PTPRD: variants seen among roughly 807,000 people sequenced by gnomAD.
PTPRD encodes receptor-type tyrosine-protein phosphatase delta.
A neutral mutation model predicts 214.5 loss-of-function variants in PTPRD; 34 were observed. The ratio of observed to expected loss-of-function variants is 0.16; its 90% CI spans 0.12 to 0.21. The LOEUF is 0.21. Among genes scored for constraint, PTPRD ranks in the 10% least tolerant of loss-of-function variants. The pLI, the probability that PTPRD is intolerant of heterozygous loss-of-function variation, is 1.00. For synonymous variants in PTPRD, 1,128 were observed against 845.7 expected (o/e 1.33, Z -5.79); for missense variants, 2,545 against 2,398.7 (o/e 1.06, Z -1.27).
At chr9:9,989,774 G>A (rs1008319118) in intron 4 of PTPRD, among the ~76,000 whole-genome samples, 1 of 152,188 alleles carries the variant, frequency 6.6e-6, no homozygotes, top group Non-Finnish European at 1.5e-5. Context: ...GGGGCTCCAG[G>A]GGTCATGGGC....
chr9:9,928,193 C>T lies in PTPRD; in HGVS notation c.-368+10314G>A, dbSNP rs532831478. Among the ~76,000 whole-genome samples, 17 of 152,220 alleles carry T rather than the reference C, an allele frequency of 1.1e-4. 1 individual carries two copies. The South Asian group carries it at 3.5e-3, about 32-fold the overall frequency. The stretch of plus-strand genomic sequence containing the variant: ...AACTTTTGTTGCTGCATGATGTTAG[C>T]TGCAGCTTAAATTTCAGATCATGAA... On this transcript the variant is annotated intron_variant, in intron 5 of 45. Coordinates refer to ENST00000381196, the MANE Select transcript of PTPRD (RefSeq NM_002839.4).
At chr9:8,457,483 T>C (rs2096250511) in intron 33 of PTPRD, among the ~76,000 whole-genome samples, 1 of 152,118 alleles carries the variant, frequency 6.6e-6, no homozygotes, top group Non-Finnish European at 1.5e-5. Context: ...ATCAATGTAT[T>C]ATAGGTATAC....
At chr9:8,500,561 A>G (rs13288051) in intron 24 of PTPRD, among the ~76,000 whole-genome samples, 193 bp downstream of exon 24, 30 of 107,112 alleles carry the variant, frequency 2.8e-4, no homozygotes, top group Middle Eastern at 3.8e-3. Context: ...AAAAAATGAA[A>G]AAAAAAAAAA....
intron 12 of PTPRD, among the ~76,000 whole-genome samples, chr9:8,723,307 C>T (rs183002293): frequency 9.4e-4 from 143 of 152,288 alleles, no homozygotes; most frequent in Non-Finnish European, 1.7e-3. Context: ...CACTCAGTAA[C>T]ACCTTCCTTG....
intron 10 of PTPRD, among the ~76,000 whole-genome samples, chr9:9,120,327 C>T (rs183960697): frequency 4.7e-4 from 71 of 152,310 alleles, no homozygotes; most frequent in African/African-American, 1.7e-3. Flanking sequence ...TCAGTAATTA[C>T]ATGGAGACCG....
At chr9:10,542,963 C>T (rs1013727092) in intron 2 of PTPRD, among the ~76,000 whole-genome samples, 2 of 152,128 alleles carry the variant, frequency 1.3e-5, no homozygotes, top group African/African-American at 4.8e-5. Flanking sequence ...GTTGGTCGCA[C>T]TGGTCTTGAA....
intron 11 of PTPRD, among the ~76,000 whole-genome samples, chr9:8,788,434 C>A (rs1259900849): frequency 2.6e-5 from 4 of 151,858 alleles, no homozygotes; most frequent in Non-Finnish European, 4.4e-5. Flanking sequence ...CACCACCACG[C>A]CTGGCTAATT....
At chr9:10,362,487 A>T (rs1355905734) in intron 2 of PTPRD, among the ~76,000 whole-genome samples, 1 of 152,138 alleles carries the variant, frequency 6.6e-6, no homozygotes, top group Admixed American at 6.5e-5. Context: ...TTTTCTAAAA[A>T]TTCAATGTCT....
At chr9:9,084,197 T>G (rs201336630) in intron 10 of PTPRD, among the ~76,000 whole-genome samples, 1 of 152,002 alleles carries the variant, frequency 6.6e-6, no homozygotes. Context: ...TGTGGCACAT[T>G]TACACCATGG....
intron 11 of PTPRD, among the ~76,000 whole-genome samples, chr9:8,797,662 G>A (rs1006877506): frequency 1.3e-5 from 2 of 152,094 alleles, no homozygotes; most frequent in African/African-American, 2.4e-5. Flanking sequence ...CCAACTACAT[G>A]TGATTTTCCT....
chr9:8,614,441 G>A (rs2095545797), intron 14 of PTPRD, among the ~76,000 whole-genome samples: 1 of 152,156 alleles, frequency 6.6e-6, no homozygotes, highest in African/African-American at 2.4e-5. Flanking sequence ...CCTGTATTCA[G>A]TTTGATAAGA....
chr9:8,882,608 T>A (rs1487036176), intron 11 of PTPRD, among the ~76,000 whole-genome samples: 1 of 152,028 alleles, frequency 6.6e-6, no homozygotes, highest in African/African-American at 2.4e-5. Context: ...TAGAGGGCCA[T>A]GTGTGGTGGC....
At chr9:9,633,167 C>A (rs145663110) in intron 7 of PTPRD, among the ~76,000 whole-genome samples, 13 of 151,858 alleles carry the variant, frequency 8.6e-5, no homozygotes, top group Admixed American at 3.9e-4. Flanking sequence ...TGAGGGTGGG[C>A]GCCTGTAATT....
At chr9:9,522,401 T>TAATG (rs2097003626) in intron 8 of PTPRD, among the ~76,000 whole-genome samples, 1 of 152,110 alleles carries the variant, frequency 6.6e-6, no homozygotes, top group Non-Finnish European at 1.5e-5. Flanking sequence ...TATCTGGACA[T>TAATG]AATGAAAACA....
chr9:8,492,654 T>C (rs1717423838), intron 27 of PTPRD, among the ~76,000 whole-genome samples: 1 of 150,634 alleles, frequency 6.6e-6, no homozygotes, highest in Non-Finnish European at 1.5e-5. Context: ...AATGACTGAT[T>C]GAATAGTTTG....
At chr9:9,389,569 A>G (rs910677588) in intron 9 of PTPRD, among the ~76,000 whole-genome samples, 2 of 152,140 alleles carry the variant, frequency 1.3e-5, no homozygotes, top group African/African-American at 4.8e-5. Flanking sequence ...AATTGCAATA[A>G]CTTTAAGTTT....
chr9:9,482,701 T>A (rs2095469952), intron 8 of PTPRD, among the ~76,000 whole-genome samples: 1 of 152,206 alleles, frequency 6.6e-6, no homozygotes, highest in Admixed American at 6.5e-5. Context: ...AGCACATTTA[T>A]GCTTAAAATA....
chr9:9,578,375 G>C (rs950256357), intron 7 of PTPRD, among the ~76,000 whole-genome samples: 1 of 151,986 alleles, frequency 6.6e-6, no homozygotes, highest in Non-Finnish European at 1.5e-5. Flanking sequence ...GTAGTGTTTG[G>C]AGAAATTCAT....
chr9:8,810,470 T>C (rs150713630), intron 11 of PTPRD, among the ~76,000 whole-genome samples: 49 of 152,304 alleles, frequency 3.2e-4, no homozygotes, highest in Middle Eastern at 3.4e-3. Flanking sequence ...AGATTCAGAC[T>C]GCATGGGCAT....
Sources: gnomAD v4.1 joint callset for allele counts (sites outside exome capture counted in the v4.1 genomes callset) on GRCh38, gnomAD v4.1.1 for gene constraint, MANE v1.5 for transcripts, NCBI Gene and HGNC (gene_info 2026-07-23, HGNC 2026-07-21) for gene names.